EXOC4: variants seen among roughly 807,000 people sequenced by gnomAD.
EXOC4 encodes exocyst complex component 4, also known as SEC8-like 1.
EXOC4 carries 71 observed loss-of-function variants against 107.2 expected under a neutral mutation model. The ratio of observed to expected loss-of-function variants is 0.66; its 90% CI spans 0.55 to 0.81. EXOC4 has a LOEUF of 0.81. Among genes scored for constraint, EXOC4 ranks in the 30% least tolerant of loss-of-function variants. The pLI, the probability that EXOC4 is intolerant of heterozygous loss-of-function variation, is 0.00. For synonymous variants in EXOC4, 456 were observed against 441.2 expected, an observed-to-expected ratio of 1.03 and a Z score of -0.42; for missense variants, 1,108 against 1,189.6, an observed-to-expected ratio of 0.93 and a Z score of 1.01.
At chr7:133,738,427 T>C (rs1382000921) in intron 10 of EXOC4, among the ~76,000 whole-genome samples, 1 of 152,152 alleles carries the variant, frequency 6.6e-6, no homozygotes, top group African/African-American at 2.4e-5. Context: ...AGTGCAACAT[T>C]GTAAAAGACA....
At chr7:133,509,529 C>T (rs1799728249) in intron 9 of EXOC4, among the ~76,000 whole-genome samples, 1 of 148,896 alleles carries the variant, frequency 6.7e-6, no homozygotes, top group Non-Finnish European at 1.5e-5. Flanking sequence ...AACCCTTCCT[C>T]TTCCTCTCTC....
intron 5 of EXOC4, among the ~76,000 whole-genome samples, chr7:133,338,158 A>T (rs1449191355): frequency 6.6e-6 from 1 of 151,684 alleles, no homozygotes; most frequent in Non-Finnish European, 1.5e-5. Flanking sequence ...AAAAATTTCG[A>T]GCTAGATATT....
intron 9 of EXOC4, among the ~76,000 whole-genome samples, chr7:133,565,572 A>G (rs1370195709): frequency 1.3e-5 from 2 of 152,186 alleles, no homozygotes; most frequent in African/African-American, 4.8e-5. Flanking sequence ...CAGATAAAAT[A>G]CAGATGCCCA....
Position 133,659,000 on chromosome 7 carries a change from C to CTTTTTTTT in EXOC4, c.1514+28881_1514+28888dup, listed in dbSNP as rs397890140. Among the ~76,000 whole-genome samples the CTTTTTTTT allele has an allele frequency of 1.6e-3, 65 of 40,140 alleles. 14 individuals are homozygous for CTTTTTTTT. Among genetic ancestry groups the CTTTTTTTT allele is most frequent in the African/African-American group, 5.7e-3 (56 of 9,844 alleles). The allele number at this position is 40,140 out of a possible 152,430, so 26.3% of individuals were successfully genotyped here. A position where few individuals can be genotyped will look rare whatever the true frequency, so the allele number is the denominator to read the frequency against. On this transcript the variant is annotated intron_variant, in intron 10 of 17. Coordinates refer to ENST00000253861, the MANE Select transcript of EXOC4 (RefSeq NM_021807.4). The stretch of plus-strand genomic sequence containing the variant: ...TGATTTGGTGAAGACTTCAGAGAAG[C>CTTTTTTTT]TTTTTTTTTTTTTTTTTTTTTTTTT...
rs192317460 is a variant in EXOC4, at chr7:133,922,389, A to G, written c.2027+4651A>G. Among the ~76,000 whole-genome samples the G allele has an allele frequency of 7.5e-3, 1,136 of 152,202 alleles. 15 individuals are homozygous for G. Among genetic ancestry groups the G allele is most frequent in the African/African-American group, 0.026 (1,086 of 41,524 alleles). ...CTAGTTTAATCTATTTTTGGACCTT[A>G]TATAAATGGAATCATGCAATTATAT... On this transcript the variant is annotated intron_variant, in intron 13 of 17. Coordinates refer to ENST00000253861, the MANE Select transcript of EXOC4 (RefSeq NM_021807.4).
intron 9 of EXOC4, among the ~76,000 whole-genome samples, chr7:133,580,176 C>T (rs1334079876): frequency 2.0e-5 from 3 of 152,214 alleles, no homozygotes; most frequent in African/African-American, 7.2e-5. Flanking sequence ...AGTATGTATA[C>T]ATCGCATTTT....
chr7:133,409,717 T>C (rs1797313691), intron 7 of EXOC4, among the ~76,000 whole-genome samples: 1 of 152,162 alleles, frequency 6.6e-6, no homozygotes, highest in Non-Finnish European at 1.5e-5. Context: ...ATATTTTAAT[T>C]GCCCTCGGGA....
intron 11 of EXOC4, among the ~76,000 whole-genome samples, chr7:133,856,167 C>A (rs1032163635): frequency 6.6e-6 from 1 of 152,246 alleles, no homozygotes; most frequent in Non-Finnish European, 1.5e-5. Flanking sequence ...GCTATGTGGC[C>A]TTTCACAGGA....
intron 9 of EXOC4, among the ~76,000 whole-genome samples, chr7:133,564,190 A>G (rs898604147): frequency 6.6e-6 from 1 of 152,200 alleles, no homozygotes; most frequent in African/African-American, 2.4e-5. Context: ...TATGGGAAGC[A>G]TAGCAGCTTC....
chr7:133,880,173 A>T (rs973606483), intron 11 of EXOC4, among the ~76,000 whole-genome samples: 1 of 151,960 alleles, frequency 6.6e-6, no homozygotes, highest in East Asian at 1.9e-4. Context: ...CTTGTCTTTT[A>T]TACTCACTTC....
chr7:133,951,001 G>A (rs755248049), intron 14 of EXOC4, among the ~76,000 whole-genome samples: 1 of 152,172 alleles, frequency 6.6e-6, no homozygotes, highest in Non-Finnish European at 1.5e-5. Flanking sequence ...CCACAAAAAG[G>A]TTTTGCATAT....
rs1038686543 is a variant in EXOC4, at chr7:133,499,121, A to G, written c.1417+18983A>G. ...TTGGGGGAGCTTTTTGAAAAAAAAA[A>G]AAAAAATTACCCCAGACCAGGTCAA... is the stretch of plus-strand genomic sequence containing the variant. On this transcript the variant is annotated intron_variant, in intron 9 of 17. Transcript: ENST00000253861. 2.6e-5 allele frequency among the ~76,000 whole-genome samples: 4 copies of G among 151,934 alleles called. No individual in the cohort carries two copies. In the East Asian group the frequency reaches 7.7e-4, roughly 29 times the overall value.
intron 10 of EXOC4, among the ~76,000 whole-genome samples, chr7:133,711,065 G>C (rs1368715656): frequency 1.3e-5 from 2 of 152,182 alleles, no homozygotes; most frequent in Non-Finnish European, 2.9e-5. Context: ...AAAATGAACT[G>C]TATCATTTTT....
chr7:134,003,984 A>G (rs775927868), intron 15 of EXOC4, among the ~76,000 whole-genome samples: 3 of 151,912 alleles, frequency 2.0e-5, no homozygotes, highest in Middle Eastern at 3.2e-3. Context: ...AAGCTGTCAG[A>G]TATGTTCTGT....
intron 10 of EXOC4, among the ~76,000 whole-genome samples, chr7:133,805,600 A>G (rs1175690463): frequency 1.3e-5 from 2 of 152,198 alleles, no homozygotes; most frequent in Non-Finnish European, 2.9e-5. Context: ...TTCACCATAC[A>G]CGTAAGGGAG....
At chr7:133,762,939 A>G (rs1562987317) in intron 10 of EXOC4, among the ~76,000 whole-genome samples, 1 of 152,136 alleles carries the variant, frequency 6.6e-6, no homozygotes, top group Non-Finnish European at 1.5e-5. Context: ...ATCTATTTTT[A>G]TATCATGTAT....
intron 12 of EXOC4, among the ~76,000 whole-genome samples, chr7:133,898,596 A>C (rs1332151733): frequency 6.6e-6 from 1 of 151,844 alleles, no homozygotes; most frequent in Non-Finnish European, 1.5e-5. Context: ...ATACAAAAAA[A>C]ATTAGCCGGG....
At chr7:133,777,926 A>G (rs971633531) in intron 10 of EXOC4, among the ~76,000 whole-genome samples, 4 of 152,180 alleles carry the variant, frequency 2.6e-5, no homozygotes, top group African/African-American at 4.8e-5. Flanking sequence ...TACCCAGGTA[A>G]TAGTCTGTGC....
intron 7 of EXOC4, chr7:133,396,349 C>T (rs936500876): frequency 6.6e-6 from 1 of 152,194 alleles, no homozygotes; most frequent in Non-Finnish European, 1.5e-5. Flanking sequence ...CCTCATAACA[C>T]TTCGGAGAGC....
Sources: gnomAD v4.1 joint callset for allele counts (sites outside exome capture counted in the v4.1 genomes callset) on GRCh38, gnomAD v4.1.1 for gene constraint, MANE v1.5 for transcripts, NCBI Gene and HGNC (gene_info 2026-07-23, HGNC 2026-07-21) for gene names.